Variants in SENP5 observed in about 807,000 individuals in gnomAD.
The protein encoded by SENP5 is SUMO specific peptidase 5.
A neutral mutation model predicts 74.2 loss-of-function variants in SENP5; 21 were observed. That is an observed-to-expected ratio of 0.28 (90% confidence interval 0.20 to 0.41). The LOEUF (loss-of-function observed/expected upper bound fraction) is 0.41. Ranked by LOEUF, SENP5 falls within the 10% of genes least tolerant of loss-of-function variation. The pLI, the probability that SENP5 is intolerant of heterozygous loss-of-function variation, is 1.00. For missense variants in SENP5, 717 were observed against 889.1 expected, an observed-to-expected ratio of 0.81 and a Z score of 2.46; for synonymous variants, 311 against 312.7, an observed-to-expected ratio of 0.99 and a Z score of 0.06.
intron 6 of SENP5, among the ~76,000 whole-genome samples, chr3:196,910,871 A>T (rs1715096405): frequency 6.6e-6 from 1 of 152,236 alleles, no homozygotes; most frequent in South Asian, 2.1e-4. Context: ...GTACCAAAAC[A>T]GGCATATAGA....
chr3:196,885,078 C>T, intron 1 of SENP5, 73 bp from the exon 2 acceptor site: 2 of 817,622 alleles, frequency 2.4e-6, no homozygotes, highest in Non-Finnish European at 3.8e-6. Context: ...CAATTTTCTG[C>T]CTTAGTTACT....
In SENP5 at chr3:196,886,643, A is replaced by G. The variant is rs774632620; in HGVS notation, c.1462A>G (p.Ser488Gly). 2 of 1,603,816 alleles carry G rather than the reference A, an allele frequency of 1.2e-6. No homozygotes were observed. Among genetic ancestry groups the G allele is most frequent in the Non-Finnish European group, 1.7e-6 (2 of 1,175,788 alleles). The change falls in exon 2 of 10, where the codon AGT becomes GGT. Residue 488 changes from serine (S) to glycine (G), a missense_variant. Ser to Gly is a moderately conservative substitution (Grantham distance 56). Transcript: ENST00000323460. ...AAATCAAGTAGGAGGTGGAAAGAAC[A>G]GTCAGAAAGCCTCTCCAGTGGATGA... ...LENQVGGGKN[S>G]QKASPVDDEQ... is the part of the protein sequence containing the mutation.
At chr3:196,891,234 A>G (rs1221590213) in intron 2 of SENP5, among the ~76,000 whole-genome samples, 3 of 152,244 alleles carry the variant, frequency 2.0e-5, no homozygotes, top group African/African-American at 7.2e-5. Context: ...AAATGTCCAG[A>G]ATAGGCAAAT....
rs1443533394 is a variant in SENP5, at chr3:196,886,576, T to G, written c.1395T>G (p.Ser465Arg). The change falls in exon 2 of 10, where the codon AGT (serine) becomes AGG (arginine). Residue 465 changes from serine to arginine, a missense_variant. Ser to Arg is a moderately radical substitution (Grantham distance 110). Coordinates refer to ENST00000323460, the MANE Select transcript of SENP5 (RefSeq NM_152699.5). ...SELLDHPYCK[S>R]PLEAPLVCSG... ...TGCTGGACCACCCTTACTGTAAAAG[T>G]CCACTGGAGGCTCCCTTGGTGTGCA... The G allele has an allele frequency of 6.2e-7, 1 of 1,613,842 alleles. No individual in the cohort carries two copies. Among genetic ancestry groups the G allele is most frequent in the Admixed American group, 1.7e-5 (1 of 59,946 alleles).
At chr3:196,887,830 G>A (rs1353550880) in intron 2 of SENP5, among the ~76,000 whole-genome samples, 1 of 151,890 alleles carries the variant, frequency 6.6e-6, no homozygotes, top group Non-Finnish European at 1.5e-5. Context: ...GTGCAGTGAC[G>A]CAATCTCGGC....
chr3:196,870,361 A>G (rs1358560235), intron 1 of SENP5, among the ~76,000 whole-genome samples: 1 of 152,152 alleles, frequency 6.6e-6, no homozygotes, highest in Non-Finnish European at 1.5e-5. Context: ...CTTTTAGGGA[A>G]ATATATTCAT....
At chr3:196,897,003 G>C (rs1714468446) in intron 2 of SENP5, among the ~76,000 whole-genome samples, 1 of 152,150 alleles carries the variant, frequency 6.6e-6, no homozygotes, top group Non-Finnish European at 1.5e-5. Flanking sequence ...ATACAGATAA[G>C]AGGAAAATGT....
At chr3:196,888,546 C>T (rs1466728160) in intron 2 of SENP5, among the ~76,000 whole-genome samples, 2 of 150,740 alleles carry the variant, frequency 1.3e-5, no homozygotes, top group African/African-American at 4.9e-5. Flanking sequence ...GTTATGCCAC[C>T]GTGCTCCAGC....
intron 2 of SENP5, among the ~76,000 whole-genome samples, chr3:196,899,051 C>G (rs953503055): frequency 6.7e-6 from 1 of 149,042 alleles, no homozygotes; most frequent in Non-Finnish European, 1.5e-5. Flanking sequence ...TGCACTCCAG[C>G]CTGGGCAACA....
intron 6 of SENP5, among the ~76,000 whole-genome samples, chr3:196,918,792 C>G (rs911551481): frequency 1.3e-5 from 2 of 152,066 alleles, no homozygotes; most frequent in Non-Finnish European, 2.9e-5. Context: ...AAGATATACA[C>G]AGACTGAAAG....
intron 6 of SENP5, among the ~76,000 whole-genome samples, chr3:196,912,111 A>G (rs138788975): frequency 1.3e-5 from 2 of 152,346 alleles, no homozygotes; most frequent in African/African-American, 2.4e-5. Context: ...ATCATTCTCT[A>G]TAGAGACATA....
At chr3:196,880,501 T>G (rs1399190937) in intron 1 of SENP5, among the ~76,000 whole-genome samples, 1 of 152,162 alleles carries the variant, frequency 6.6e-6, no homozygotes, top group African/African-American at 2.4e-5. Flanking sequence ...ACTTTTCTTT[T>G]TCTGAACTGA....
chr3:196,922,541 C>G (rs143165527), intron 6 of SENP5, among the ~76,000 whole-genome samples: 1 of 152,224 alleles, frequency 6.6e-6, no homozygotes, highest in Admixed American at 6.5e-5. Context: ...CCTCGACCTC[C>G]TGGGCTCAGT....
intron 8 of SENP5, chr3:196,929,344 G>C (rs1246973109): frequency 3.2e-6 from 1 of 309,030 alleles, no homozygotes; most frequent in Non-Finnish European, 6.0e-6. Context: ...TGAATTGATA[G>C]CAGAGCTCAG....
chr3:196,914,736 A>G (rs75996207), intron 6 of SENP5, among the ~76,000 whole-genome samples: 3,993 of 151,236 alleles, frequency 0.026, 154 homozygotes, highest in African/African-American at 0.084. Flanking sequence ...GGAACACCAA[A>G]TTGAACAACT....
chr3:196,894,438 A>C (rs1277963339), intron 2 of SENP5, among the ~76,000 whole-genome samples: 1 of 151,770 alleles, frequency 6.6e-6, no homozygotes, highest in Non-Finnish European at 1.5e-5. Context: ...TGTTATTTTT[A>C]ATTTAGTGCT....
intron 1 of SENP5, among the ~76,000 whole-genome samples, chr3:196,877,011 C>G (rs1337025475): frequency 1.3e-5 from 2 of 151,920 alleles, no homozygotes; most frequent in African/African-American, 4.8e-5. Context: ...ACATTGCTTA[C>G]TTTTTAATTA....
intron 6 of SENP5, among the ~76,000 whole-genome samples, chr3:196,910,260 CAA>C (rs1411851769): frequency 2.1e-5 from 3 of 140,858 alleles, no homozygotes; most frequent in Non-Finnish European, 1.5e-5. Context: ...AGGACACAAA[CAA>C]ATGGAAAAAT....
At chr3:196,908,650 C>T (rs1421678572) in intron 6 of SENP5, among the ~76,000 whole-genome samples, 1 of 152,034 alleles carries the variant, frequency 6.6e-6, no homozygotes, top group Non-Finnish European at 1.5e-5. Context: ...ATGGAGAAAC[C>T]CCATCTCTAC....
Sources: gnomAD v4.1 joint callset for allele counts (sites outside exome capture counted in the v4.1 genomes callset) on GRCh38, gnomAD v4.1.1 for gene constraint, MANE v1.5 for transcripts, NCBI Gene and HGNC (gene_info 2026-07-23, HGNC 2026-07-21) for gene names.